The following SPATA6 variants were observed in gnomAD, a reference collection of about 807,000 sequenced individuals.
The protein encoded by SPATA6 is spermatogenesis associated 6.
In SPATA6, 56 loss-of-function variants were observed where a neutral mutation model predicts 65.3. That is an observed-to-expected ratio of 0.86 (90% CI 0.69 to 1.07). The LOEUF (loss-of-function observed/expected upper bound fraction) is 1.07. SPATA6 is among the 50% of genes least tolerant of loss of function. SPATA6 has a pLI of 0.00. For missense variants in SPATA6, 590 were observed against 594.8 expected (o/e 0.99, Z 0.08); for synonymous variants, 199 against 213.2 (o/e 0.93, Z 0.58).
chr1:48,458,362 A>G (rs539197749), intron 1 of SPATA6, among the ~76,000 whole-genome samples: 4 of 152,334 alleles, frequency 2.6e-5, no homozygotes, highest in Admixed American at 2.0e-4. Flanking sequence ...ATAAACTACT[A>G]TTACGTGCTA....
intron 11 of SPATA6, among the ~76,000 whole-genome samples, chr1:48,310,359 G>C (rs1242033056): frequency 6.6e-6 from 1 of 152,070 alleles, no homozygotes; most frequent in African/African-American, 2.4e-5. Context: ...CAAAATTTTG[G>C]TTTTCACTGA....
Position 48,307,368 on chromosome 1 carries a change from TTA to T in SPATA6, c.1195-1492_1195-1491del, listed in dbSNP as rs1488200372. ...ATTTTATATATATATAATTATATAT[TTA>T]TGTTTATATATAATCATATACATTT... On this transcript the variant is annotated intron_variant, in intron 11 of 12. Coordinates refer to ENST00000371847, the MANE Select transcript of SPATA6 (RefSeq NM_019073.4). Among the ~76,000 whole-genome samples, 7 of 147,932 alleles carry T rather than the reference TTA, an allele frequency of 4.7e-5. No individual in the cohort carries two copies. The East Asian group carries it at 1.4e-3, about 29-fold the overall frequency.
chr1:48,332,589 G>C (rs1645946769), intron 11 of SPATA6, among the ~76,000 whole-genome samples: 1 of 152,144 alleles, frequency 6.6e-6, no homozygotes, highest in Non-Finnish European at 1.5e-5. Flanking sequence ...AATACTTACA[G>C]ACCTTCAAAG....
intron 9 of SPATA6, among the ~76,000 whole-genome samples, chr1:48,364,411 C>T (rs1199242475): frequency 6.6e-6 from 1 of 152,206 alleles, no homozygotes; most frequent in African/African-American, 2.4e-5. Context: ...AGTTTACAGT[C>T]CCACCAACAG....
rs541554963 is a variant in SPATA6, at chr1:48,431,012, C to T, written c.239-17861G>A. On this transcript the variant is annotated intron_variant, in intron 3 of 12. Transcript: ENST00000371847. ...TAAAAACATATGACCTGGGGATATG[C>T]TGTCTACAAGGCGCTCATTTTAGGT... Among the ~76,000 whole-genome samples, 4 of 152,212 alleles carry T rather than the reference C, an allele frequency of 2.6e-5. No homozygotes were observed. In the East Asian group the frequency reaches 7.7e-4, roughly 29 times the overall value.
intron 11 of SPATA6, among the ~76,000 whole-genome samples, chr1:48,332,039 T>C (rs1440117273): frequency 3.9e-5 from 6 of 152,176 alleles, no homozygotes; most frequent in African/African-American, 1.2e-4. Flanking sequence ...CTGAGGGAAT[T>C]TGTTAACACG....
At chr1:48,332,738 T>C (rs1296131629) in intron 11 of SPATA6, among the ~76,000 whole-genome samples, 1 of 152,188 alleles carries the variant, frequency 6.6e-6, no homozygotes, top group Admixed American at 6.5e-5. Context: ...AGTAGACAGC[T>C]ACATAACTTT....
At chr1:48,284,582 C>G in the SPATA6 span, among the ~76,000 whole-genome samples, 1 of 152,196 alleles carries the variant, frequency 6.6e-6, no homozygotes, top group African/African-American at 2.4e-5. Context: ...TACCTTTGGT[C>G]TTTGATGCTG....
At chr1:48,471,349 G>C (rs1438936661) in intron 1 of SPATA6, among the ~76,000 whole-genome samples, 3 of 152,212 alleles carry the variant, frequency 2.0e-5, no homozygotes, top group Admixed American at 6.5e-5. Context: ...GGGGACGGGA[G>C]GGGCCTGAAG....
chr1:48,325,350 A>T, intron 11 of SPATA6: 1 of 1,347,306 alleles, frequency 7.4e-7, no homozygotes, highest in Non-Finnish European at 1.1e-6. Flanking sequence ...TCCTCCCCTG[A>T]AGGCAAAGTT....
At chr1:48,384,853 A>G (rs1302557587) in intron 9 of SPATA6, among the ~76,000 whole-genome samples, 1 of 152,042 alleles carries the variant, frequency 6.6e-6, no homozygotes, top group East Asian at 1.9e-4. Flanking sequence ...GTGATACTGG[A>G]TTTTCATTTA....
At chr1:48,393,839 G>C (rs553065310) in intron 8 of SPATA6, among the ~76,000 whole-genome samples, 1 of 152,160 alleles carries the variant, frequency 6.6e-6, no homozygotes, top group African/African-American at 2.4e-5. Flanking sequence ...GAGAGCCCAA[G>C]CTCTCTGGTA....
chr1:48,281,117 T>G, the SPATA6 span, among the ~76,000 whole-genome samples: 1 of 152,174 alleles, frequency 6.6e-6, no homozygotes, highest in African/African-American at 2.4e-5. Context: ...GAAAAGGCCT[T>G]TGACAAAATT....
At chr1:48,469,284 G>A (rs1658044635) in intron 1 of SPATA6, among the ~76,000 whole-genome samples, 1 of 152,030 alleles carries the variant, frequency 6.6e-6, no homozygotes, top group Non-Finnish European at 1.5e-5. Flanking sequence ...ACATGGTCAT[G>A]GGTTACAGTT....
chr1:48,340,372 A>G (rs1364896989), intron 11 of SPATA6, among the ~76,000 whole-genome samples: 1 of 151,482 alleles, frequency 6.6e-6, no homozygotes, highest in Non-Finnish European at 1.5e-5. Flanking sequence ...ATAAAATAAT[A>G]TTACTATACA....
the SPATA6 span, among the ~76,000 whole-genome samples, chr1:48,283,677 TCAA>T: frequency 7.5e-5 from 1 of 13,312 alleles, no homozygotes; most frequent in Non-Finnish European, 1.2e-4. Context: ...AGACTCCGTC[TCAA>T]AAAAAAAAAA....
At chr1:48,274,320 T>C in the SPATA6 span, among the ~76,000 whole-genome samples, 1 of 152,198 alleles carries the variant, frequency 6.6e-6, no homozygotes, top group African/African-American at 2.4e-5. Context: ...TAGTTTCTTT[T>C]ATTGTGCAGA....
intron 11 of SPATA6, among the ~76,000 whole-genome samples, chr1:48,306,666 A>T (rs1645069622): frequency 6.6e-6 from 1 of 151,956 alleles, no homozygotes; most frequent in African/African-American, 2.4e-5. Flanking sequence ...ACAAATAAGG[A>T]TTAGTATTAG....
At chr1:48,448,593 T>C (rs1024909099) in intron 3 of SPATA6, among the ~76,000 whole-genome samples, 2 of 152,002 alleles carry the variant, frequency 1.3e-5, no homozygotes. Flanking sequence ...CATACCAACA[T>C]GGTTCATAAT....
Sources: allele counts gnomAD v4.1 joint callset (sites outside exome capture counted in the v4.1 genomes callset), GRCh38; gene constraint gnomAD v4.1.1; transcripts MANE v1.5; gene names NCBI Gene and HGNC (gene_info 2026-07-23, HGNC 2026-07-21).